FAM13A: variants seen among roughly 807,000 people sequenced by gnomAD.
FAM13A encodes family with sequence similarity 13 member A, also known as protein FAM13A.
In FAM13A, 76 loss-of-function variants were observed where a neutral mutation model predicts 129.6. The ratio of observed to expected loss-of-function variants is 0.59; its 90% CI spans 0.49 to 0.71. The LOEUF is 0.71. FAM13A is among the 30% of genes least tolerant of loss of function. FAM13A has a pLI of 0.00. For missense variants in FAM13A, 1,108 were observed against 1,249.3 expected (o/e 0.89, Z 1.70); for synonymous variants, 443 against 449.9 (o/e 0.98, Z 0.20).
At chr4:89,003,291 A>G (rs1309048651) in intron 3 of FAM13A, among the ~76,000 whole-genome samples, 1 of 151,960 alleles carries the variant, frequency 6.6e-6, no homozygotes, top group Non-Finnish European at 1.5e-5. Flanking sequence ...TGGAAAAAAA[A>G]AAAAACTGCA....
At chr4:89,023,241 G>A (rs1228706753) in intron 2 of FAM13A, among the ~76,000 whole-genome samples, 1 of 152,060 alleles carries the variant, frequency 6.6e-6, no homozygotes, top group Non-Finnish European at 1.5e-5. Flanking sequence ...TTTATCTTTA[G>A]CTTCAGAAAC....
chr4:88,875,194 G>A (rs1376295660), intron 6 of FAM13A, among the ~76,000 whole-genome samples: 5 of 152,144 alleles, frequency 3.3e-5, no homozygotes, highest in Admixed American at 2.0e-4. Context: ...AACCCTAGAA[G>A]AAAACCTAGG....
intron 8 of FAM13A, among the ~76,000 whole-genome samples, chr4:88,804,745 C>T (rs1163305522): frequency 6.6e-6 from 1 of 152,078 alleles, no homozygotes; most frequent in Non-Finnish European, 1.5e-5. Flanking sequence ...AATCATCAGG[C>T]AGTTTTTAAA....
chr4:88,781,014 G>A, intron 11 of FAM13A, 151 bp downstream of exon 11: 1 of 403,830 alleles, frequency 2.5e-6, no homozygotes, highest in East Asian at 3.7e-5. Flanking sequence ...TTATTAAAAA[G>A]AAATACAAAT....
intron 11 of FAM13A, among the ~76,000 whole-genome samples, chr4:88,772,506 A>G (rs578118154): frequency 1.3e-5 from 2 of 152,288 alleles, no homozygotes; most frequent in African/African-American, 4.8e-5. Flanking sequence ...CTGTTCTCCA[A>G]TGGGATGCGA....
At chr4:88,930,633 C>T (rs1172732925) in intron 5 of FAM13A, among the ~76,000 whole-genome samples, 1 of 152,086 alleles carries the variant, frequency 6.6e-6, no homozygotes, top group African/African-American at 2.4e-5. Context: ...TAGCTTGCTG[C>T]AGCATTAGTG....
intron 1 of FAM13A, among the ~76,000 whole-genome samples, chr4:89,037,526 G>T (rs1426607367): frequency 1.3e-5 from 2 of 152,202 alleles, no homozygotes; most frequent in Non-Finnish European, 2.9e-5. Context: ...TCTCAGATGT[G>T]ACTTTGGACT....
intron 7 of FAM13A, chr4:88,823,051 G>T (rs757853200): frequency 6.2e-7 from 1 of 1,611,736 alleles, no homozygotes; most frequent in Non-Finnish European, 8.5e-7. Flanking sequence ...TCTCTTCCAC[G>T]GCAAGTTTGG....
chr4:88,743,278 G>T (rs1740625765), intron 19 of FAM13A, among the ~76,000 whole-genome samples: 1 of 152,084 alleles, frequency 6.6e-6, no homozygotes, highest in Non-Finnish European at 1.5e-5. Context: ...AATCAAAAAG[G>T]CCTGATTAGG....
intron 6 of FAM13A, 65 bp downstream of exon 6, chr4:88,906,314 C>T (rs1748153230): frequency 8.9e-7 from 1 of 1,119,304 alleles, no homozygotes. Flanking sequence ...CAAACAAAAA[C>T]AACAAAAAAC....
chr4:88,999,255 G>A (rs1236001744), intron 3 of FAM13A, among the ~76,000 whole-genome samples: 1 of 152,034 alleles, frequency 6.6e-6, no homozygotes, highest in Non-Finnish European at 1.5e-5. Flanking sequence ...TATTTATTGG[G>A]TACTGAATGC....
intron 4 of FAM13A, among the ~76,000 whole-genome samples, chr4:88,964,006 TC>T (rs1759004022): frequency 6.6e-6 from 1 of 152,076 alleles, no homozygotes; most frequent in Admixed American, 6.5e-5. Flanking sequence ...TGTAAACAAC[TC>T]CCCATGCGCC....
At chr4:88,805,769 A>G (rs1432291311) in intron 7 of FAM13A, among the ~76,000 whole-genome samples, 1 of 152,078 alleles carries the variant, frequency 6.6e-6, no homozygotes, top group Non-Finnish European at 1.5e-5. Context: ...CCCAGGCTCA[A>G]GTGATCCTCC....
intron 3 of FAM13A, among the ~76,000 whole-genome samples, chr4:89,019,447 C>T (rs1427405730): frequency 6.6e-6 from 1 of 151,978 alleles, no homozygotes; most frequent in East Asian, 1.9e-4. Flanking sequence ...ATGACTATGC[C>T]TATAATTATT....
chr4:88,960,621 G>C (rs1003018443), intron 4 of FAM13A, among the ~76,000 whole-genome samples: 4 of 152,164 alleles, frequency 2.6e-5, no homozygotes, highest in African/African-American at 9.7e-5. Flanking sequence ...AGCAAGAGGA[G>C]AGAAGAGAAA....
chr4:88,976,161 A>C (rs1760871271), intron 4 of FAM13A, among the ~76,000 whole-genome samples: 1 of 152,166 alleles, frequency 6.6e-6, no homozygotes, highest in African/African-American at 2.4e-5. Context: ...AGTGTTGATG[A>C]GTTTTGGCTG....
intron 5 of FAM13A, among the ~76,000 whole-genome samples, chr4:88,930,544 A>C (rs1421838754): frequency 2.0e-5 from 3 of 152,116 alleles, no homozygotes; most frequent in Non-Finnish European, 2.9e-5. Flanking sequence ...TTGGACATCA[A>C]CTAAGCCAGT....
At chr4:88,760,300 A>G (rs1051450699) in intron 13 of FAM13A, among the ~76,000 whole-genome samples, 1 of 152,222 alleles carries the variant, frequency 6.6e-6, no homozygotes, top group African/African-American at 2.4e-5. Flanking sequence ...ATGAGCTACT[A>G]AAGTCTTATA....
At chr4:89,055,232 T>C (rs1772072818) in intron 1 of FAM13A, among the ~76,000 whole-genome samples, 1 of 152,230 alleles carries the variant, frequency 6.6e-6, no homozygotes, top group African/African-American at 2.4e-5. Flanking sequence ...TTTAAAATTT[T>C]TTTTGTTGTT....
Sources: allele counts gnomAD v4.1 joint callset (sites outside exome capture counted in the v4.1 genomes callset), GRCh38; gene constraint gnomAD v4.1.1; transcripts MANE v1.5; gene names NCBI Gene and HGNC (gene_info 2026-07-23, HGNC 2026-07-21).